CAMTA1: variants seen among roughly 807,000 people sequenced by gnomAD.
CAMTA1 encodes the protein calmodulin-binding transcription activator 1.
In CAMTA1, 27 loss-of-function variants were observed where a neutral mutation model predicts 170.9. The observed-to-expected ratio is 0.16, with a 90% confidence interval of 0.12 to 0.22. The LOEUF is 0.22. Ranked by LOEUF, CAMTA1 falls within the 10% of genes least tolerant of loss-of-function variation. The pLI is 1.00. For missense variants in CAMTA1, 1,619 were observed against 2,217.2 expected, an observed-to-expected ratio of 0.73 and a Z score of 5.42; for synonymous variants, 833 against 891.5, an observed-to-expected ratio of 0.93 and a Z score of 1.17.
At chr1:7,193,704 G>T (rs1429332609) in intron 4 of CAMTA1, among the ~76,000 whole-genome samples, 1 of 152,150 alleles carries the variant, frequency 6.6e-6, no homozygotes. Flanking sequence ...AATGCAGAGA[G>T]CCCAGGCAGT....
intron 3 of CAMTA1, among the ~76,000 whole-genome samples, chr1:6,984,101 A>ATGGATGAGTAGGTGGATGGGTGG (rs1694949650): frequency 6.8e-3 from 1 of 148 alleles, no homozygotes; most frequent in Admixed American, 0.062. Context: ...TGGGTGGGTG[A>ATGGATGAGTAGGTGGATGGGTGG]ATAGATGGGT....
intron 6 of CAMTA1, among the ~76,000 whole-genome samples, chr1:7,492,741 A>ACGTGCG (rs36127212): frequency 1.5e-5 from 2 of 136,136 alleles, no homozygotes; most frequent in African/African-American, 2.9e-5. Flanking sequence ...ACATACACAC[A>ACGTGCG]CGCGCGCACA....
chr1:7,509,926 G>A (rs918774996), intron 6 of CAMTA1, among the ~76,000 whole-genome samples: 24 of 151,448 alleles, frequency 1.6e-4, no homozygotes, highest in African/African-American at 5.1e-4. Flanking sequence ...GCAGCCCAGC[G>A]ACCAAGGGGG....
intron 5 of CAMTA1, among the ~76,000 whole-genome samples, chr1:7,376,324 T>G (rs1343858443): frequency 6.6e-6 from 1 of 152,198 alleles, no homozygotes; most frequent in Non-Finnish European, 1.5e-5. Flanking sequence ...TCAGGGAGCA[T>G]CTAAGTGGAA....
At position 7,044,264 on chromosome 1, in the gene CAMTA1, G is replaced by A. The variant is rs1251526789; in HGVS notation, c.235-47040G>A. On this transcript the variant is annotated intron_variant, in intron 3 of 22. Coordinates refer to ENST00000303635, the MANE Select transcript of CAMTA1 (RefSeq NM_015215.4). The surrounding 1 kb of genome is among the most constrained non-coding windows in gnomAD (Gnocchi z 5.0). ...GGCCTGTTCACACACGGTTGGGACT[G>A]GCCAAGGGTCTCACCCAGACTAGAC... Among the ~76,000 whole-genome samples, 1 of 152,230 alleles carries A rather than the reference G, an allele frequency of 6.6e-6. No individual in the cohort carries two copies. The highest frequency in any genetic ancestry group is 2.4e-5 in the African/African-American group (1 of 41,466).
At chr1:7,112,211 C>T (rs1573154829) in intron 4 of CAMTA1, among the ~76,000 whole-genome samples, 1 of 152,160 alleles carries the variant, frequency 6.6e-6, no homozygotes, top group East Asian at 1.9e-4. Flanking sequence ...TCTTTGGTCA[C>T]CTCTCACATT....
In CAMTA1 at chr1:7,134,406, A is replaced by G. The variant is rs537305731; in HGVS notation, c.302+43035A>G. ...ACTTCTTGGGCTCCAGCAATCCTCC[A>G]CCTCAGCCTCCCAAGTAGCTGAAAC... On this transcript the variant is annotated intron_variant, in intron 4 of 22. Coordinates refer to ENST00000303635, the MANE Select transcript of CAMTA1 (RefSeq NM_015215.4). 5.3e-5 allele frequency among the ~76,000 whole-genome samples: 8 copies of G among 152,002 alleles called. No homozygotes were observed. In the East Asian group the frequency reaches 1.5e-3, roughly 29 times the overall value.
chr1:7,739,293 A>T (rs775187883), intron 16 of CAMTA1, among the ~76,000 whole-genome samples: 10 of 152,160 alleles, frequency 6.6e-5, no homozygotes, highest in Non-Finnish European at 1.3e-4. Flanking sequence ...TGTGGAGGAG[A>T]TCATATGTCC....
chr1:7,357,626 A>C (rs531663184), intron 5 of CAMTA1, among the ~76,000 whole-genome samples: 21 of 151,124 alleles, frequency 1.4e-4, no homozygotes, highest in Non-Finnish European at 2.8e-4. Flanking sequence ...AAAAAATTTC[A>C]CTCTTTATCT....
At chr1:7,250,996 C>T (rs1666544689) in intron 5 of CAMTA1, among the ~76,000 whole-genome samples, 1 of 152,170 alleles carries the variant, frequency 6.6e-6, no homozygotes, top group African/African-American at 2.4e-5. Flanking sequence ...CCTGGGAGGA[C>T]CCTCATCTCC....
intron 5 of CAMTA1, among the ~76,000 whole-genome samples, chr1:7,279,289 G>A (rs1195079274): frequency 6.6e-6 from 1 of 152,200 alleles, no homozygotes; most frequent in African/African-American, 2.4e-5. Context: ...TGGGGTGGGA[G>A]GCAGATTCAC....
intron 5 of CAMTA1, among the ~76,000 whole-genome samples, chr1:7,285,552 T>C (rs902350281): frequency 7.2e-5 from 11 of 152,208 alleles, no homozygotes; most frequent in African/African-American, 2.7e-4. Flanking sequence ...GAACAGATGC[T>C]CAAAAGCTGC....
intron 3 of CAMTA1, among the ~76,000 whole-genome samples, chr1:6,988,924 C>T (rs1695852996): frequency 6.6e-6 from 1 of 152,202 alleles, no homozygotes; most frequent in South Asian, 2.1e-4. Flanking sequence ...TGAGTCTAGA[C>T]TGAGCCAATC....
At chr1:7,667,077 C>T (rs974712815) in intron 9 of CAMTA1, among the ~76,000 whole-genome samples, 1 of 152,032 alleles carries the variant, frequency 6.6e-6, no homozygotes, top group African/African-American at 2.4e-5. Context: ...TTAGTAGAGA[C>T]GGGGTTTCAC....
chr1:7,397,805 T>C (rs538368531), intron 5 of CAMTA1, among the ~76,000 whole-genome samples: 2 of 152,134 alleles, frequency 1.3e-5, no homozygotes, highest in South Asian at 2.1e-4. Context: ...TCTCCTGTTA[T>C]TGATTTTTAG....
Position 6,785,490 on chromosome 1 carries a change from C to G in CAMTA1, c.-41C>G, listed in dbSNP as rs1459028115. ...GGCTGGGCCGGCGGCGGCGGCGGTA[C>G]GAGGCGCGCGCTCGGGGTCCCGGTC... is the stretch of plus-strand genomic sequence containing the variant. On this transcript the variant is annotated 5_prime_UTR_variant, in exon 1 of 23. Transcript: ENST00000303635. 6.9e-6 allele frequency: 7 copies of G among 1,017,052 alleles called. No individual in the cohort carries two copies. The highest frequency in any genetic ancestry group is 6.2e-5 in the Admixed American group (1 of 16,056). The allele number at this position is 1,017,052 out of a possible 1,614,324, so 63.0% of individuals were successfully genotyped here.
At chr1:6,896,819 C>T (rs544495615) in intron 3 of CAMTA1, among the ~76,000 whole-genome samples, 3 of 152,268 alleles carry the variant, frequency 2.0e-5, no homozygotes, top group Non-Finnish European at 2.9e-5. Context: ...TGAATATACT[C>T]GTTGGGGACT....
At chr1:7,027,061 C>G (rs531818925) in intron 3 of CAMTA1, among the ~76,000 whole-genome samples, 1 of 152,258 alleles carries the variant, frequency 6.6e-6, no homozygotes, top group African/African-American at 2.4e-5. Context: ...GACTCCTTCC[C>G]TGGGATTCAT....
chr1:6,941,570 A>G (rs1346049585), intron 3 of CAMTA1, among the ~76,000 whole-genome samples: 1 of 152,236 alleles, frequency 6.6e-6, no homozygotes, highest in East Asian at 1.9e-4. Flanking sequence ...GTGGGGCTCC[A>G]GTCAGCCCAG....
Sources: gnomAD v4.1 joint callset for allele counts (sites outside exome capture counted in the v4.1 genomes callset) on GRCh38, gnomAD v4.1.1 for gene constraint, Gnocchi (gnomAD v3.1) non-coding constraint, MANE v1.5 for transcripts, NCBI Gene and HGNC (gene_info 2026-07-23, HGNC 2026-07-21) for gene names.